TCOF1: variants seen among roughly 807,000 people sequenced by gnomAD.
TCOF1 encodes treacle protein.
A neutral mutation model predicts 149.0 loss-of-function variants in TCOF1; 33 were observed. The ratio of observed to expected loss-of-function variants is 0.22; its 90% CI spans 0.17 to 0.30. The LOEUF is 0.30. TCOF1 is among the 10% of genes least tolerant of loss of function. The probability of loss-of-function intolerance (pLI) is 1.00; values close to 1 mark genes in which losing one functional copy is unlikely to be tolerated. For synonymous variants in TCOF1, 789 were observed against 738.8 expected (o/e 1.07, Z -1.10); for missense variants, 1,728 against 1,840.7 (o/e 0.94, Z 1.12).
chr5:150,396,207 C>T (rs1768468002), intron 23 of TCOF1, 75 bp from the exon 24 acceptor site: 10 of 1,542,350 alleles, frequency 6.5e-6, no homozygotes, highest in Non-Finnish European at 9.0e-6. Flanking sequence ...TCCCTGCACC[C>T]TCTTCGCTCT....
At chr5:150,384,710 G>A in intron 17 of TCOF1, 1 of 985,498 alleles carries the variant, frequency 1.0e-6, no homozygotes, top group Non-Finnish European at 1.2e-6. Flanking sequence ...TCAGCGGTTT[G>A]TACATTCCCC....
intron 17 of TCOF1, chr5:150,384,581 C>T: frequency 1.0e-6 from 1 of 985,484 alleles, no homozygotes; most frequent in Non-Finnish European, 1.2e-6. Flanking sequence ...GGACCGCTCC[C>T]CCTTTCTCTG....
chr5:150,381,862 C>G (rs1262099890), intron 17 of TCOF1, among the ~76,000 whole-genome samples: 1 of 152,206 alleles, frequency 6.6e-6, no homozygotes, highest in East Asian at 1.9e-4. Context: ...CTGCACTCCA[C>G]TAGCTTTATG....
chr5:150,364,176 C>G lies in TCOF1; in HGVS notation c.228C>G (p.Thr76=). The G allele has an allele frequency of 6.2e-7, 1 of 1,614,144 alleles. No individual in the cohort carries two copies. The highest frequency in any genetic ancestry group is 1.6e-4 in the Middle Eastern group (1 of 6,062). ...EEDAALQAKK[T]RVSDPISTSE... ...ATGCGGCACTGCAAGCTAAGAAAAC[C>G]CGTGTGTCAGACCCCATCAGCACCT... The change falls in exon 3 of 27, where the codon ACC becomes ACG. Residue 76 remains threonine (T), a synonymous_variant. Coordinates refer to ENST00000643257, the MANE Select transcript of TCOF1 (RefSeq NM_001371623.1).
At chr5:150,373,141 C>T (rs569338163) in intron 7 of TCOF1, among the ~76,000 whole-genome samples, 15 of 152,084 alleles carry the variant, frequency 9.9e-5, no homozygotes, top group African/African-American at 2.9e-4. Context: ...AGTGCAGTAG[C>T]GGCAATCATA....
At chr5:150,368,201 C>T (rs1461338740) in intron 4 of TCOF1, 2 of 452,702 alleles carry the variant, frequency 4.4e-6, no homozygotes, top group East Asian at 8.8e-5. Flanking sequence ...TTCACCCGTT[C>T]ACTCAACAGA....
Position 150,383,643 on chromosome 5 carries a change from A to C in TCOF1, c.2859+3911A>C. 3 of 1,292,014 alleles carry C rather than the reference A, an allele frequency of 2.3e-6. No individual in the cohort carries two copies. The South Asian group carries it at 3.8e-5, about 16-fold the overall frequency. 80.0% of individuals were successfully genotyped at this position (1,292,014 alleles called of 1,614,324 possible). The stretch of plus-strand genomic sequence containing the variant: ...ATTGGGAATCAAGCCTTAGAGTTGA[A>C]GCAGTTTCCCCAAATTCTCATGATT... On this transcript the variant is annotated intron_variant, in intron 17 of 26. Transcript: ENST00000643257.
rs756425499 is a variant in TCOF1 at position 150,391,557 on chromosome 5, A to T, written c.3197A>T (p.Asn1066Ile). The change falls in exon 20 of 27, where the codon AAC becomes ATC. Residue 1066 changes from asparagine to isoleucine, a missense_variant. By Grantham distance (149) the Asn-to-Ile change is moderately radical. This residue lies in a region of TCOF1 where 1,696 missense variants were observed against 1,765.4 expected (regional missense o/e 0.96). Coordinates refer to ENST00000643257, the MANE Select transcript of TCOF1 (RefSeq NM_001371623.1). ...TGCCACCCACAGGTGTCAAAGAAGA[A>T]CCCAGCTTCCCTCCCACTGACCCAG... ...EGPATQVSKK[N>I]PASLPLTQAA... is the part of the protein sequence containing the mutation. 2 of 1,613,908 alleles carry T rather than the reference A, an allele frequency of 1.2e-6. No homozygotes were observed. Among genetic ancestry groups the T allele is most frequent in the Non-Finnish European group, 8.5e-7 (1 of 1,180,002 alleles).
intron 23 of TCOF1, among the ~76,000 whole-genome samples, chr5:150,395,125 C>G (rs1162709489): frequency 6.6e-6 from 1 of 152,188 alleles, no homozygotes; most frequent in East Asian, 1.9e-4. Context: ...TCCCCCAGCC[C>G]ACCGCAGCTC....
intron 18 of TCOF1, among the ~76,000 whole-genome samples, chr5:150,389,411 A>T (rs1581191325): frequency 6.6e-6 from 1 of 152,202 alleles, no homozygotes; most frequent in African/African-American, 2.4e-5. Context: ...GACATGCTAC[A>T]GTGTGTGTAG....
At position 150,378,942 on chromosome 5, in the gene TCOF1, A is replaced by T; in HGVS notation, c.2378A>T (p.Asn793Ile). ...GTAAAGAAAACCCAGGCCAAAGCCA[A>T]CCCAGCTGCCGCCAGAGCACCTTCA... is the stretch of plus-strand genomic sequence containing the variant. ...TSVKKTQAKANPAAARAPSAK... is the reference protein window; with the variant it reads ...TSVKKTQAKAIPAAARAPSAK... The change falls in exon 15 of 27, where the codon AAC becomes ATC. Residue 793 changes from asparagine to isoleucine, a missense_variant. Around this residue, in one of 2 missense-constraint regions of TCOF1, gnomAD observed 1,696 missense variants for 1,765.4 expected, o/e 0.96. Coordinates refer to ENST00000643257, the MANE Select transcript of TCOF1 (RefSeq NM_001371623.1). 6.2e-7 allele frequency: 1 copy of T among 1,614,148 alleles called. No individual in the cohort carries two copies. Among genetic ancestry groups the T allele is most frequent in the East Asian group, 2.2e-5 (1 of 44,878 alleles).
At chr5:150,394,491 A>G (rs1423908402) in intron 23 of TCOF1, 1 of 152,222 alleles carries the variant, frequency 6.6e-6, no homozygotes, top group African/African-American at 2.4e-5. Context: ...GGATTATTCA[A>G]TTCACCTAAC....
chr5:150,385,362 C>T (rs180715268), intron 17 of TCOF1, among the ~76,000 whole-genome samples: 1 of 152,226 alleles, frequency 6.6e-6, no homozygotes, highest in African/African-American at 2.4e-5. Flanking sequence ...CTAATCCTGG[C>T]TCTGGCACCA....
chr5:150,383,678 C>T, intron 17 of TCOF1: 1 of 1,506,314 alleles, frequency 6.6e-7, no homozygotes, highest in Non-Finnish European at 9.0e-7. Context: ...TCATAAGAGG[C>T]TGAGGAAAGG....
rs547232200 is a variant in TCOF1, at chr5:150,387,838, A to G, written c.2860-64A>G. 1.3e-3 allele frequency: 2,141 copies of G among 1,602,920 alleles called. 8 individuals are homozygous for G. Among genetic ancestry groups the G allele is most frequent in the Non-Finnish European group, 1.2e-3 (1,385 of 1,172,112 alleles). On this transcript the variant is annotated intron_variant, in intron 17 of 26. Transcript: ENST00000643257. ...GCCTTGTAAAACACTCCCTAACCCC[A>G]TCACCTCCTTTCCCTGGCCAAGCCT...
At chr5:150,386,341 A>G (rs1766294876) in intron 17 of TCOF1, among the ~76,000 whole-genome samples, 1 of 152,010 alleles carries the variant, frequency 6.6e-6, no homozygotes, top group South Asian at 2.1e-4. Flanking sequence ...ATATATATAG[A>G]TCCCCCCTCC....
chr5:150,384,507 C>G (rs1765872725), intron 17 of TCOF1: 8 of 985,488 alleles, frequency 8.1e-6, no homozygotes, highest in Non-Finnish European at 9.6e-6. Context: ...TGCCCTCTGG[C>G]TCTGTGTGGA....
In TCOF1 at chr5:150,389,973, G is replaced by C; in HGVS notation, c.3133G>C (p.Glu1045Gln). Residue 1045 changes from glutamate to glutamine, a missense_variant, in exon 19 of 27, where the codon GAG becomes CAG. Glu to Gln is a conservative substitution (Grantham distance 29). Coordinates refer to ENST00000643257, the MANE Select transcript of TCOF1 (RefSeq NM_001371623.1). ...ASMAGASSSK[E>Q]SSRISDGKKQ... is the part of the protein sequence containing the mutation. ...CATGGCTGGGGCCAGCAGCAGCAAG[G>C]AGTCCAGTCGGATATCAGATGGCAA... 1 of 1,614,130 alleles carries C rather than the reference G, an allele frequency of 6.2e-7. No individual in the cohort carries two copies. The highest frequency in any genetic ancestry group is 1.3e-5 in the African/African-American group (1 of 75,062).
chr5:150,397,476 G>A (rs1167993576), intron 24 of TCOF1, among the ~76,000 whole-genome samples: 1 of 152,136 alleles, frequency 6.6e-6, no homozygotes, highest in South Asian at 2.1e-4. Flanking sequence ...TCTAGACTCC[G>A]CATGCAGCAG....
Sources: gnomAD v4.1 joint callset for allele counts (sites outside exome capture counted in the v4.1 genomes callset) on GRCh38, gnomAD v4.1.1 for gene constraint, gnomAD v4.1.1 regional missense constraint, MANE v1.5 for transcripts, NCBI Gene and HGNC (gene_info 2026-07-23, HGNC 2026-07-21) for gene names.